STXBP5L: variants seen among roughly 807,000 people sequenced by gnomAD.
STXBP5L encodes syntaxin binding protein 5L.
A neutral mutation model predicts 144.5 loss-of-function variants in STXBP5L; 65 were observed. The ratio of observed to expected loss-of-function variants is 0.45; its 90% CI spans 0.37 to 0.55. STXBP5L has a LOEUF of 0.55. Ranked by LOEUF, STXBP5L falls within the 20% of genes least tolerant of loss-of-function variation. The pLI is 0.00. For synonymous variants in STXBP5L, 505 were observed against 469.6 expected (o/e 1.08, Z -0.97); for missense variants, 1,298 against 1,405.5 (o/e 0.92, Z 1.22).
intron 7 of STXBP5L, among the ~76,000 whole-genome samples, chr3:121,138,897 A>T (rs1244502406): frequency 6.6e-6 from 1 of 152,044 alleles, no homozygotes; most frequent in Non-Finnish European, 1.5e-5. Context: ...GTTAAAATAG[A>T]CAAATGAGAT....
chr3:120,977,238 G>A (rs1187050573), intron 3 of STXBP5L, among the ~76,000 whole-genome samples: 1 of 152,168 alleles, frequency 6.6e-6, no homozygotes, highest in African/African-American at 2.4e-5. Context: ...CCTGTATTGG[G>A]TGCATATATA....
intron 9 of STXBP5L, among the ~76,000 whole-genome samples, chr3:121,165,723 C>G (rs927984178): frequency 1.3e-5 from 2 of 152,004 alleles, no homozygotes; most frequent in Admixed American, 6.6e-5. Flanking sequence ...AGATTGGACC[C>G]CAGGTTACCA....
Position 121,108,471 on chromosome 3 carries a change from C to T in STXBP5L, c.471-6454C>T, listed in dbSNP as rs1302043525. Among the ~76,000 whole-genome samples, 5 of 152,156 alleles carry T rather than the reference C, an allele frequency of 3.3e-5. No homozygotes were observed. The South Asian group carries it at 8.3e-4, about 25-fold the overall frequency. ...CCTTTTCTACATCTATTAAGATAAT[C>T]CTGTGGTTTTTTGTCTTTAGTTTTG... On this transcript the variant is annotated intron_variant, in intron 5 of 26. Transcript: ENST00000471454.
chr3:121,071,361 G>A (rs966324912), intron 5 of STXBP5L, among the ~76,000 whole-genome samples: 3 of 152,214 alleles, frequency 2.0e-5, no homozygotes, highest in South Asian at 4.1e-4. Context: ...TTCTGTTTGT[G>A]TGACTAGAGC....
chr3:121,120,802 G>T (rs2044424457), intron 6 of STXBP5L, among the ~76,000 whole-genome samples: 2 of 151,276 alleles, frequency 1.3e-5, no homozygotes, highest in African/African-American at 4.8e-5. Flanking sequence ...CTGAAACTGT[G>T]TTAATATAAT....
At chr3:121,182,363 A>C (rs773147792) in intron 9 of STXBP5L, among the ~76,000 whole-genome samples, 2 of 152,226 alleles carry the variant, frequency 1.3e-5, no homozygotes, top group Non-Finnish European at 2.9e-5. Context: ...TTTATTTTAA[A>C]AGGAATCCTC....
chr3:121,118,379 C>T (rs948368928), intron 6 of STXBP5L, among the ~76,000 whole-genome samples: 2 of 151,572 alleles, frequency 1.3e-5, no homozygotes, highest in Non-Finnish European at 3.0e-5. Flanking sequence ...ACATTCCGGG[C>T]AGAGGGAACA....
chr3:121,134,153 T>C (rs2045130511), intron 7 of STXBP5L, among the ~76,000 whole-genome samples: 1 of 152,146 alleles, frequency 6.6e-6, no homozygotes, highest in Admixed American at 6.5e-5. Context: ...AGGGAAGGCA[T>C]TTGGTGAGAA....
At chr3:121,053,078 G>T (rs1463435453) in intron 5 of STXBP5L, among the ~76,000 whole-genome samples, 1 of 152,110 alleles carries the variant, frequency 6.6e-6, no homozygotes, top group East Asian at 1.9e-4. Flanking sequence ...ACAAACCACT[G>T]CTCAAGGAAA....
At chr3:121,181,230 G>C (rs534876405) in intron 9 of STXBP5L, among the ~76,000 whole-genome samples, 2 of 151,500 alleles carry the variant, frequency 1.3e-5, no homozygotes, top group Non-Finnish European at 2.9e-5. Flanking sequence ...GAATGTAAAT[G>C]GCCTGAACCT....
chr3:121,174,719 T>A (rs1480693318), intron 9 of STXBP5L, among the ~76,000 whole-genome samples: 1 of 152,168 alleles, frequency 6.6e-6, no homozygotes, highest in Non-Finnish European at 1.5e-5. Flanking sequence ...TTGTACCGTC[T>A]TTCAGCATTT....
At chr3:121,005,660 A>G (rs1344964390) in intron 3 of STXBP5L, among the ~76,000 whole-genome samples, 1 of 151,808 alleles carries the variant, frequency 6.6e-6, no homozygotes, top group Non-Finnish European at 1.5e-5. Context: ...TCAATTTTGG[A>G]TCTTTCCTGC....
chr3:121,319,107 A>G (rs1489466814), intron 20 of STXBP5L, among the ~76,000 whole-genome samples: 1 of 152,122 alleles, frequency 6.6e-6, no homozygotes, highest in Non-Finnish European at 1.5e-5. Context: ...AAAAAAGTTA[A>G]CAGTTATTTT....
Position 121,270,094 on chromosome 3 carries a change from G to A in STXBP5L, c.1959-9711G>A, listed in dbSNP as rs1392598481. On this transcript the variant is annotated intron_variant, in intron 18 of 26. Coordinates refer to ENST00000471454, the MANE Select transcript of STXBP5L (RefSeq NM_001308330.2). ...AGTCTTGTTCCCCTTTGGATATGTTGTGATATTGGGCTTTTGATAAAATAT... is the reference window on the plus strand; with the variant it reads ...AGTCTTGTTCCCCTTTGGATATGTTATGATATTGGGCTTTTGATAAAATAT... Among the ~76,000 whole-genome samples the A allele has an allele frequency of 2.6e-5, 4 of 152,206 alleles. No individual in the cohort carries two copies. In the East Asian group the frequency reaches 5.8e-4, roughly 22 times the overall value.
At position 120,982,133 on chromosome 3, in the gene STXBP5L, C is replaced by G. The variant is rs1454089447; in HGVS notation, c.287+27096C>G. On this transcript the variant is annotated intron_variant, in intron 3 of 26. Coordinates refer to ENST00000471454, the MANE Select transcript of STXBP5L (RefSeq NM_001308330.2). ...GTATTGTGTTGTGCAGTTCAACCCC[C>G]AAGCTAGTAAGTAGGTAGCATCTAT... Among the ~76,000 whole-genome samples the G allele has an allele frequency of 5.3e-5, 8 of 152,168 alleles. No homozygotes were observed. In the East Asian group the frequency reaches 1.5e-3, roughly 29 times the overall value.
chr3:121,022,869 C>G (rs1392181478), intron 3 of STXBP5L, among the ~76,000 whole-genome samples: 1 of 152,028 alleles, frequency 6.6e-6, no homozygotes, highest in Non-Finnish European at 1.5e-5. Flanking sequence ...CCACTTTTAC[C>G]ACTTCTAGTC....
chr3:121,253,473 TACAA>T (rs988927137), intron 15 of STXBP5L, among the ~76,000 whole-genome samples: 2 of 151,824 alleles, frequency 1.3e-5, no homozygotes, highest in South Asian at 2.1e-4. Context: ...GTGTATTTCC[TACAA>T]ACATTCACTT....
chr3:121,330,795 C>T (rs539197807), intron 20 of STXBP5L, among the ~76,000 whole-genome samples: 33 of 152,186 alleles, frequency 2.2e-4, no homozygotes, highest in Non-Finnish European at 3.1e-4. Context: ...CCCTGGCCAA[C>T]GGAGAGATCC....
chr3:121,238,883 T>C, intron 12 of STXBP5L, 88 bp from the exon 13 acceptor site: 1 of 1,290,666 alleles, frequency 7.7e-7, no homozygotes. Flanking sequence ...TAGTGATGTT[T>C]AGAGACATTT....
Sources: allele counts gnomAD v4.1 joint callset (sites outside exome capture counted in the v4.1 genomes callset), GRCh38; gene constraint gnomAD v4.1.1; transcripts MANE v1.5; gene names NCBI Gene and HGNC (gene_info 2026-07-23, HGNC 2026-07-21).